Variants in LRP1B observed in about 807,000 individuals in gnomAD.
LRP1B encodes the protein LDL receptor related protein 1B, also known as low-density lipoprotein receptor-related protein 1B.
A neutral mutation model predicts 556.6 loss-of-function variants in LRP1B; 217 were observed. That is an observed-to-expected ratio of 0.39 (90% CI 0.35 to 0.44). The LOEUF (loss-of-function observed/expected upper bound fraction) is 0.44, where lower values mean the gene tolerates loss of function less well. Ranked by LOEUF, LRP1B falls within the 20% of genes least tolerant of loss-of-function variation. The pLI is 1.00. For missense variants in LRP1B, 5,053 were observed against 5,620.8 expected, an observed-to-expected ratio of 0.90 and a Z score of 3.23; for synonymous variants, 2,047 against 1,865.8, an observed-to-expected ratio of 1.10 and a Z score of -2.50.
At chr2:141,601,202 G>GTATCTATC (rs4008441) in intron 2 of LRP1B, among the ~76,000 whole-genome samples, 36,619 of 148,726 alleles carry the variant, frequency 0.25, 4,908 homozygotes, top group African/African-American at 0.35. Context: ...CTGTCTGTCA[G>GTATCTATC]TATCTATCTA....
intron 32 of LRP1B, among the ~76,000 whole-genome samples, chr2:140,783,131 T>G (rs1047704744): frequency 6.6e-6 from 1 of 152,112 alleles, no homozygotes; most frequent in Non-Finnish European, 1.5e-5. Flanking sequence ...TCAATTATAT[T>G]TTAGAATTAT....
chr2:141,201,404 T>A (rs983810725), intron 6 of LRP1B, among the ~76,000 whole-genome samples: 2 of 152,102 alleles, frequency 1.3e-5, no homozygotes, highest in African/African-American at 2.4e-5. Context: ...CCAAGAAACA[T>A]TTTCTGACTC....
At chr2:140,432,624 C>T (rs1372111611) in intron 66 of LRP1B, among the ~76,000 whole-genome samples, 1 of 152,188 alleles carries the variant, frequency 6.6e-6, no homozygotes, top group Non-Finnish European at 1.5e-5. Flanking sequence ...AAGTAGAACT[C>T]ATTATAGGAC....
At chr2:140,238,994 G>A (rs1338117258) in intron 88 of LRP1B, among the ~76,000 whole-genome samples, 1 of 150,738 alleles carries the variant, frequency 6.6e-6, no homozygotes, top group Non-Finnish European at 1.5e-5. Flanking sequence ...CATATAAATT[G>A]AAATGATACT....
chr2:141,655,667 C>A (rs1689978929), intron 2 of LRP1B, among the ~76,000 whole-genome samples: 1 of 151,820 alleles, frequency 6.6e-6, no homozygotes. Context: ...GCAAAATAAA[C>A]CTATGGAATC....
intron 3 of LRP1B, among the ~76,000 whole-genome samples, chr2:141,319,998 G>A (rs951305329): frequency 3.9e-5 from 6 of 152,014 alleles, no homozygotes; most frequent in African/African-American, 1.4e-4. Flanking sequence ...GGGATCTTGG[G>A]AAAAGATTGA....
At chr2:141,123,310 C>T (rs1701115106) in intron 7 of LRP1B, among the ~76,000 whole-genome samples, 1 of 151,336 alleles carries the variant, frequency 6.6e-6, no homozygotes, top group East Asian at 1.9e-4. Flanking sequence ...TTTGCTTTGG[C>T]ACCAGATGGT....
In LRP1B at chr2:140,697,762, T is replaced by C. The variant is rs151198598; in HGVS notation, c.6799+2488A>G. 3.2e-3 allele frequency among the ~76,000 whole-genome samples: 480 copies of C among 152,120 alleles called. 2 individuals are homozygous for C. Among genetic ancestry groups the C allele is most frequent in the African/African-American group, 0.011 (465 of 41,512 alleles). ...AATTCATAGAGACAGAAAATATCCA[T>C]TACCAAGGGCCAGGGAAAGGGGGAA... is the stretch of plus-strand genomic sequence containing the variant. On this transcript the variant is annotated intron_variant, in intron 41 of 90. Coordinates refer to ENST00000389484, the MANE Select transcript of LRP1B (RefSeq NM_018557.3).
chr2:140,354,965 C>T lies in LRP1B; in HGVS notation c.11530+1377G>A, dbSNP rs536328639. Among the ~76,000 whole-genome samples the T allele has an allele frequency of 2.0e-5, 3 of 152,036 alleles. No homozygotes were observed. In the East Asian group the frequency reaches 5.8e-4, roughly 30 times the overall value. On this transcript the variant is annotated intron_variant, in intron 75 of 90. Coordinates refer to ENST00000389484, the MANE Select transcript of LRP1B (RefSeq NM_018557.3). ...TTTGGATTATAGAATCCAATTATGT[C>T]TTACCCTTCTTTGACACTGAAATAG...
intron 3 of LRP1B, among the ~76,000 whole-genome samples, chr2:141,465,664 C>T (rs575268504): frequency 1.5e-4 from 23 of 151,976 alleles, no homozygotes; most frequent in South Asian, 2.1e-4. Flanking sequence ...ATCCTCCCAC[C>T]TCAGCCCCCC....
intron 27 of LRP1B, among the ~76,000 whole-genome samples, chr2:140,865,899 G>T (rs919103044): frequency 2.0e-5 from 3 of 152,032 alleles, no homozygotes; most frequent in Non-Finnish European, 4.4e-5. Flanking sequence ...TCCTATATAT[G>T]CATAAATATC....
At chr2:140,844,085 A>T (rs2029157) in intron 29 of LRP1B, among the ~76,000 whole-genome samples, 2 of 151,560 alleles carry the variant, frequency 1.3e-5, no homozygotes, top group Non-Finnish European at 1.5e-5. Flanking sequence ...TTTTGAGATG[A>T]AGTTTCACTC....
chr2:141,873,397 C>A (rs531148341), intron 1 of LRP1B, among the ~76,000 whole-genome samples: 1 of 151,952 alleles, frequency 6.6e-6, no homozygotes, highest in Admixed American at 6.6e-5. Context: ...CTATTTTTTG[C>A]ATATTGTAGA....
intron 2 of LRP1B, among the ~76,000 whole-genome samples, chr2:141,579,716 AGGTTTCACT>A (rs1686891640): frequency 1.0e-5 from 1 of 100,160 alleles, no homozygotes; most frequent in South Asian, 3.6e-4. Context: ...AAAACATATC[AGGTTTCACT>A]TTTTTTTTTT....
chr2:141,400,066 G>T (rs533617751), intron 3 of LRP1B, among the ~76,000 whole-genome samples: 3 of 152,104 alleles, frequency 2.0e-5, no homozygotes, highest in African/African-American at 7.2e-5. Flanking sequence ...TCTCCCGGCA[G>T]CTTCAATCTC....
chr2:140,566,180 G>A (rs1358139534), intron 43 of LRP1B, among the ~76,000 whole-genome samples: 1 of 152,142 alleles, frequency 6.6e-6, no homozygotes, highest in East Asian at 1.9e-4. Flanking sequence ...ACATTCCCAA[G>A]CCATTCCACA....
chr2:140,853,830 A>C (rs957918500), intron 27 of LRP1B, among the ~76,000 whole-genome samples: 2 of 152,154 alleles, frequency 1.3e-5, no homozygotes, highest in Non-Finnish European at 2.9e-5. Flanking sequence ...CAGAGTAAGT[A>C]GTTCTTATTT....
intron 3 of LRP1B, among the ~76,000 whole-genome samples, chr2:141,352,282 T>C (rs188245140): frequency 7.5e-4 from 114 of 152,066 alleles, no homozygotes; most frequent in Non-Finnish European, 1.5e-3. Context: ...ACCACTGATA[T>C]ACTGCTGTGT....
At chr2:141,349,458 G>T (rs1283761291) in intron 3 of LRP1B, among the ~76,000 whole-genome samples, 1 of 152,024 alleles carries the variant, frequency 6.6e-6, no homozygotes, top group Non-Finnish European at 1.5e-5. Flanking sequence ...TGGAATAGGG[G>T]CTCTCAATCT....
Sources: gnomAD v4.1 joint callset for allele counts (sites outside exome capture counted in the v4.1 genomes callset) on GRCh38, gnomAD v4.1.1 for gene constraint, MANE v1.5 for transcripts, NCBI Gene and HGNC (gene_info 2026-07-23, HGNC 2026-07-21) for gene names.